Variants in POU6F2 observed in about 807,000 individuals in gnomAD.
The protein encoded by POU6F2 is POU domain, class 6, transcription factor 2.
A neutral mutation model predicts 71.3 loss-of-function variants in POU6F2; 31 were observed. The observed-to-expected ratio is 0.43, with a 90% CI of 0.33 to 0.59. The LOEUF is 0.59. Ranked by LOEUF, POU6F2 falls within the 20% of genes least tolerant of loss-of-function variation. The probability of loss-of-function intolerance (pLI) is 0.04; values close to 1 mark genes in which losing one functional copy is unlikely to be tolerated. For synonymous variants in POU6F2, 347 were observed against 355.7 expected (o/e 0.98, Z 0.27); for missense variants, 783 against 856.8 (o/e 0.91, Z 1.07).
At chr7:39,212,750 A>C (rs963505263) in intron 4 of POU6F2, among the ~76,000 whole-genome samples, 5 of 152,242 alleles carry the variant, frequency 3.3e-5, no homozygotes, top group Admixed American at 6.5e-5. Context: ...TTGAAAAGTC[A>C]GTGTCTTCCC....
intron 2 of POU6F2, among the ~76,000 whole-genome samples, chr7:39,185,213 TG>T (rs370784966): frequency 1.9e-4 from 28 of 150,072 alleles, no homozygotes; most frequent in African/African-American, 6.6e-4. Context: ...GGTGGCGGGA[TG>T]GGGGAGGGGG....
chr7:39,314,918 C>T (rs1785234001), intron 4 of POU6F2, among the ~76,000 whole-genome samples: 4 of 151,970 alleles, frequency 2.6e-5, no homozygotes, highest in Admixed American at 2.0e-4. Context: ...GTCATGGCAC[C>T]GTGACAGTAA....
At chr7:39,279,639 G>T (rs1027926894) in intron 4 of POU6F2, among the ~76,000 whole-genome samples, 25 of 152,172 alleles carry the variant, frequency 1.6e-4, no homozygotes, top group African/African-American at 5.1e-4. Context: ...TCAGTGGTTT[G>T]CCAGCAATCT....
At chr7:39,319,818 A>G (rs146433685) in intron 4 of POU6F2, among the ~76,000 whole-genome samples, 1 of 152,182 alleles carries the variant, frequency 6.6e-6, no homozygotes, top group East Asian at 1.9e-4. Context: ...AAGAGTCCCT[A>G]CTCCTTCAGA....
intron 5 of POU6F2, among the ~76,000 whole-genome samples, chr7:39,372,415 T>C (rs1430364102): frequency 6.6e-6 from 1 of 152,208 alleles, no homozygotes. Flanking sequence ...AATATATCTA[T>C]CTATACAATT....
intron 2 of POU6F2, among the ~76,000 whole-genome samples, chr7:39,194,783 G>A (rs998707744): frequency 1.1e-4 from 17 of 152,118 alleles, no homozygotes; most frequent in Admixed American, 6.5e-4. Flanking sequence ...AACACTCACC[G>A]CGAAGGTCTG....
At chr7:39,319,968 T>C (rs1785350938) in intron 4 of POU6F2, among the ~76,000 whole-genome samples, 1 of 152,242 alleles carries the variant, frequency 6.6e-6, no homozygotes, top group African/African-American at 2.4e-5. Flanking sequence ...AGCAATGCAC[T>C]ATAGTGTCTG....
intron 1 of POU6F2, among the ~76,000 whole-genome samples, chr7:39,043,306 A>G (rs960823738): frequency 8.6e-5 from 13 of 152,026 alleles, no homozygotes; most frequent in African/African-American, 2.9e-4. Flanking sequence ...CATCTGACCT[A>G]GGAATGGACA....
intron 1 of POU6F2, among the ~76,000 whole-genome samples, chr7:39,055,832 G>A (rs1790503812): frequency 6.6e-6 from 1 of 151,804 alleles, no homozygotes; most frequent in African/African-American, 2.4e-5. Context: ...TCTTGATGTT[G>A]AGCATTCTGT....
chr7:39,098,947 A>T (rs920034139), intron 2 of POU6F2, among the ~76,000 whole-genome samples: 1 of 152,214 alleles, frequency 6.6e-6, no homozygotes, highest in African/African-American at 2.4e-5. Context: ...TCCATAAGGA[A>T]ACATGAGCCC....
chr7:39,172,004 G>C (rs1015872555), intron 2 of POU6F2, among the ~76,000 whole-genome samples: 7 of 152,132 alleles, frequency 4.6e-5, no homozygotes, highest in Admixed American at 1.3e-4. Context: ...ATGAAAAGTG[G>C]TTCACTTTGC....
At chr7:39,443,085 G>A (rs2237382) in intron 7 of POU6F2, among the ~76,000 whole-genome samples, 50,568 of 152,000 alleles carry the variant, frequency 0.33, 9,351 homozygotes, top group East Asian at 0.58. Context: ...CACCTCAGGA[G>A]CCTTCTCACG....
At chr7:39,355,039 G>C (rs1378409565) in intron 5 of POU6F2, among the ~76,000 whole-genome samples, 1 of 152,180 alleles carries the variant, frequency 6.6e-6, no homozygotes, top group Non-Finnish European at 1.5e-5. Flanking sequence ...CCTCCCACCA[G>C]GAATGAATCT....
intron 1 of POU6F2, among the ~76,000 whole-genome samples, chr7:39,023,051 G>C (rs377179881): frequency 6.6e-6 from 1 of 151,768 alleles, no homozygotes; most frequent in East Asian, 1.9e-4. Context: ...GGTGGGTAGT[G>C]GTATTTCATT....
chr7:39,459,124 C>G (rs1788880524), intron 8 of POU6F2, among the ~76,000 whole-genome samples: 1 of 152,234 alleles, frequency 6.6e-6, no homozygotes, highest in Non-Finnish European at 1.5e-5. Context: ...GCCCCTCCCT[C>G]CATTCCAGAC....
chr7:39,411,724 C>T (rs1005199186), intron 6 of POU6F2, among the ~76,000 whole-genome samples: 5 of 152,112 alleles, frequency 3.3e-5, no homozygotes, highest in East Asian at 1.9e-4. Flanking sequence ...ACCACAAGGC[C>T]GTGATGAAAG....
At chr7:39,242,487 T>C (rs1783746341) in intron 4 of POU6F2, among the ~76,000 whole-genome samples, 1 of 152,124 alleles carries the variant, frequency 6.6e-6, no homozygotes, top group African/African-American at 2.4e-5. Flanking sequence ...ATTTTTCTTG[T>C]ACTTATTTGT....
At chr7:39,275,234 A>G (rs1191678276) in intron 4 of POU6F2, among the ~76,000 whole-genome samples, 1 of 151,934 alleles carries the variant, frequency 6.6e-6, no homozygotes, top group Non-Finnish European at 1.5e-5. Context: ...TACAAAAATC[A>G]CAAGCATTCT....
intron 2 of POU6F2, among the ~76,000 whole-genome samples, chr7:39,192,716 A>G (rs1793693600): frequency 6.6e-6 from 1 of 152,136 alleles, no homozygotes; most frequent in Non-Finnish European, 1.5e-5. Flanking sequence ...CCTCCAGCAC[A>G]TTTTCTTTCT....
Sources: allele counts gnomAD v4.1 joint callset (sites outside exome capture counted in the v4.1 genomes callset), GRCh38; gene constraint gnomAD v4.1.1; transcripts MANE v1.5; gene names NCBI Gene and HGNC (gene_info 2026-07-23, HGNC 2026-07-21).